Variants in CSPP1 observed in about 807,000 individuals in gnomAD.
CSPP1 encodes centrosome and spindle pole associated protein 1.
CSPP1 carries 126 observed loss-of-function variants against 164.4 expected under a neutral mutation model. The ratio of observed to expected loss-of-function variants is 0.77; its 90% confidence interval spans 0.66 to 0.89. The LOEUF is 0.89. CSPP1 is among the 40% of genes least tolerant of loss of function. CSPP1 has a pLI of 0.00. For missense variants in CSPP1, 1,395 were observed against 1,449.8 expected (o/e 0.96, Z 0.61); for synonymous variants, 472 against 476.7 (o/e 0.99, Z 0.13).
chr8:67,121,234 G>A (rs1260061591), intron 15 of CSPP1, among the ~76,000 whole-genome samples: 14 of 152,094 alleles, frequency 9.2e-5, no homozygotes, highest in Admixed American at 3.9e-4. Flanking sequence ...TGGCTAAAGC[G>A]GGCATCCCTG....
At chr8:67,164,910 C>G (rs1381408453) in intron 24 of CSPP1, among the ~76,000 whole-genome samples, 1 of 152,144 alleles carries the variant, frequency 6.6e-6, no homozygotes, top group African/African-American at 2.4e-5. Flanking sequence ...GTTGTAAAAT[C>G]AACATAGTGG....
At chr8:67,136,216 A>T (rs899902558) in intron 16 of CSPP1, among the ~76,000 whole-genome samples, 2 of 152,154 alleles carry the variant, frequency 1.3e-5, no homozygotes, top group African/African-American at 4.8e-5. Context: ...ATGCCATTGG[A>T]AAAATGGTAC....
At chr8:67,188,221 G>C (rs1360742854) in intron 28 of CSPP1, among the ~76,000 whole-genome samples, 1 of 152,184 alleles carries the variant, frequency 6.6e-6, no homozygotes, top group Non-Finnish European at 1.5e-5. Flanking sequence ...AAAAGATTCA[G>C]CAAGACTTGC....
chr8:67,095,756 T>C (rs757589368), intron 7 of CSPP1, 24 bp downstream of exon 7: 2 of 1,361,080 alleles, frequency 1.5e-6, no homozygotes, highest in East Asian at 4.6e-5. Context: ...CATTTTTATT[T>C]TATTTGCTTA....
At chr8:67,192,803 C>T (rs187200769) in intron 29 of CSPP1, among the ~76,000 whole-genome samples, 195 of 151,406 alleles carry the variant, frequency 1.3e-3, no homozygotes, top group African/African-American at 3.9e-3. Context: ...CGTCCATAAA[C>T]GTAAGGATTT....
At chr8:67,176,248 A>G (rs1214319487) in intron 26 of CSPP1, among the ~76,000 whole-genome samples, 1 of 152,174 alleles carries the variant, frequency 6.6e-6, no homozygotes, top group Non-Finnish European at 1.5e-5. Flanking sequence ...AAAACCCAAC[A>G]ATCAGATAAC....
chr8:67,177,398 A>G (rs1350940171), intron 26 of CSPP1, among the ~76,000 whole-genome samples: 2 of 152,204 alleles, frequency 1.3e-5, no homozygotes, highest in Non-Finnish European at 2.9e-5. Context: ...AAGATGGTGA[A>G]GGATCCTGCA....
chr8:67,142,221 A>T (rs1563665386), intron 17 of CSPP1, among the ~76,000 whole-genome samples: 2 of 152,190 alleles, frequency 1.3e-5, no homozygotes, highest in East Asian at 1.9e-4. Flanking sequence ...GAAACTTTAC[A>T]TGAAACTGTC....
At chr8:67,080,817 G>A (rs1808991962) in intron 3 of CSPP1, 1 of 152,202 alleles carries the variant, frequency 6.6e-6, no homozygotes, top group African/African-American at 2.4e-5. Context: ...TTAGTCTCAG[G>A]GAGACATTAC....
At chr8:67,126,069 T>C (rs1819996586) in intron 15 of CSPP1, among the ~76,000 whole-genome samples, 1 of 152,218 alleles carries the variant, frequency 6.6e-6, no homozygotes, top group African/African-American at 2.4e-5. Flanking sequence ...TGACCTCAGG[T>C]GATCTGCCCG....
chr8:67,086,920 C>T, intron 4 of CSPP1: 1 of 800,058 alleles, frequency 1.2e-6, no homozygotes, highest in South Asian at 1.5e-5. Flanking sequence ...TAGAAGGTTG[C>T]AATCATTTGC....
At chr8:67,073,649 G>C (rs570591701) in intron 1 of CSPP1, among the ~76,000 whole-genome samples, 56 of 152,224 alleles carry the variant, frequency 3.7e-4, no homozygotes, top group Admixed American at 9.2e-4. Flanking sequence ...ATTATGTTGA[G>C]GTTATATAAG....
rs191223442 is a variant in CSPP1, at chr8:67,144,478, C to T, written c.1976-5305C>T. On this transcript the variant is annotated intron_variant, in intron 17 of 30. Transcript: ENST00000678616. ...TTTTTGAGACAGAGTCTTGCTCTGT[C>T]GCAGAAGCTGGAGTACAGTGACATA... 2.4e-3 allele frequency among the ~76,000 whole-genome samples: 371 copies of T among 152,148 alleles called. 2 individuals carry two copies. The highest frequency in any genetic ancestry group is 4.0e-3 in the African/African-American group (168 of 41,500).
At chr8:67,168,337 A>T (rs888248287) in intron 24 of CSPP1, among the ~76,000 whole-genome samples, 1 of 71,868 alleles carries the variant, frequency 1.4e-5, no homozygotes, top group African/African-American at 5.4e-5. Flanking sequence ...GGGGAGGGGG[A>T]GGGGGAGAGG....
At chr8:67,092,473 C>G (rs1237909424) in intron 5 of CSPP1, among the ~76,000 whole-genome samples, 1 of 152,026 alleles carries the variant, frequency 6.6e-6, no homozygotes, top group Non-Finnish European at 1.5e-5. Flanking sequence ...AGTATCACCC[C>G]GTTGCCCAGG....
chr8:67,138,468 C>G (rs1192477408), intron 17 of CSPP1, among the ~76,000 whole-genome samples: 2 of 152,140 alleles, frequency 1.3e-5, no homozygotes, highest in Non-Finnish European at 2.9e-5. Context: ...AGTGCAGATG[C>G]AAGCATCCAT....
At chr8:67,068,140 C>T (rs1262212247) in intron 1 of CSPP1, among the ~76,000 whole-genome samples, 2 of 152,118 alleles carry the variant, frequency 1.3e-5, no homozygotes, top group Non-Finnish European at 2.9e-5. Context: ...TGGGCCACTG[C>T]GCCTGGCCTG....
chr8:67,142,568 T>C (rs1339086288), intron 17 of CSPP1, among the ~76,000 whole-genome samples: 1 of 152,216 alleles, frequency 6.6e-6, no homozygotes, highest in African/African-American at 2.4e-5. Flanking sequence ...ATTTACCAGT[T>C]GATAGATATT....
intron 25 of CSPP1, chr8:67,173,768 T>C (rs1830961121): frequency 6.6e-6 from 1 of 152,292 alleles, no homozygotes; most frequent in Non-Finnish European, 1.5e-5. Flanking sequence ...CTATCAAATA[T>C]TGATTACTTA....
Sources: gnomAD v4.1 joint callset for allele counts (sites outside exome capture counted in the v4.1 genomes callset) on GRCh38, gnomAD v4.1.1 for gene constraint, MANE v1.5 for transcripts, NCBI Gene and HGNC (gene_info 2026-07-23, HGNC 2026-07-21) for gene names.